Variants in PHLDB2 observed in about 807,000 individuals in gnomAD.
PHLDB2 encodes pleckstrin homology-like domain family B member 2.
PHLDB2 carries 71 observed loss-of-function variants against 123.6 expected under a neutral mutation model. That is an observed-to-expected ratio of 0.57 (90% CI 0.47 to 0.70). The LOEUF (loss-of-function observed/expected upper bound fraction) is 0.70, where lower values mean the gene tolerates loss of function less well. Ranked by LOEUF, PHLDB2 falls within the 30% of genes least tolerant of loss-of-function variation. The pLI is 0.00. For missense variants in PHLDB2, 1,446 were observed against 1,519.5 expected, an observed-to-expected ratio of 0.95 and a Z score of 0.80; for synonymous variants, 547 against 541.6, an observed-to-expected ratio of 1.01 and a Z score of -0.14.
At chr3:111,751,025 A>G (rs1182561996) in intron 1 of PHLDB2, among the ~76,000 whole-genome samples, 1 of 152,058 alleles carries the variant, frequency 6.6e-6, no homozygotes, top group Non-Finnish European at 1.5e-5. Context: ...GAGCCCCCAA[A>G]CTGTGTTTTT....
At chr3:111,861,282 G>C (rs752610195) in intron 1 of PHLDB2, among the ~76,000 whole-genome samples, 7 of 152,160 alleles carry the variant, frequency 4.6e-5, no homozygotes, top group African/African-American at 9.7e-5. Context: ...TCTATTCTTG[G>C]CTCCCCTTTC....
chr3:111,774,208 T>C (rs1484750815), intron 1 of PHLDB2, among the ~76,000 whole-genome samples: 1 of 152,182 alleles, frequency 6.6e-6, no homozygotes, highest in African/African-American at 2.4e-5. Flanking sequence ...TTGGGAGCTC[T>C]AGGTAGGGGT....
rs2060380364 is a variant in PHLDB2, at chr3:111,780,328, GAAGAAGAAGAAGAAGAAGAAGAA to G, written c.-49+47626_-49+47648del. Among the ~76,000 whole-genome samples the G allele has an allele frequency of 4.2e-3, 49 of 11,602 alleles. 2 individuals carry two copies. The highest frequency in any genetic ancestry group is 5.9e-3 in the African/African-American group (39 of 6,618). The allele number at this position is 11,602 out of a possible 152,430, so 7.6% of individuals were successfully genotyped here. Reference sequence around the variant, plus strand: ...GGAAGAGGAAGAGGAAGAGGAAGAAGAAGAAGAAGAAGAAGAAGAAGAAGAAGAAGAAGAAGAAGAAGAAGAAG... The same window carrying G: ...GGAAGAGGAAGAGGAAGAGGAAGAAGGAAGAAGAAGAAGAAGAAGAAGAAG... On this transcript the variant is annotated intron_variant, in intron 1 of 17. Coordinates refer to the PHLDB2 transcript ENST00000393923.
At chr3:111,947,619 G>T (rs941625128) in intron 9 of PHLDB2, among the ~76,000 whole-genome samples, 1 of 152,084 alleles carries the variant, frequency 6.6e-6, no homozygotes, top group Non-Finnish European at 1.5e-5. Context: ...CAAAACAGTC[G>T]ACTATTAACT....
rs2108572751 is a variant in PHLDB2 at position 111,844,774 on chromosome 3, A to G, written c.-48-1047A>G. ...ATCACTGGTTATGTGACTTTTGATA[A>G]CTCTCTAATTATTCCTCTTCAGTCT... On this transcript the variant is annotated intron_variant, in intron 1 of 17. Coordinates refer to the PHLDB2 transcript ENST00000393923. Among the ~76,000 whole-genome samples the G allele has an allele frequency of 1.3e-5, 2 of 152,266 alleles. 1 individual carries two copies. Among genetic ancestry groups the G allele is most frequent in the South Asian group, 4.2e-4 (2 of 4,818 alleles).
intron 1 of PHLDB2, among the ~76,000 whole-genome samples, chr3:111,831,013 G>GAAAGAAAGAAAGAAAGAAAAA (rs1553736466): frequency 9.8e-6 from 1 of 102,082 alleles, no homozygotes. Flanking sequence ...AAGAAAGAAA[G>GAAAGAAAGAAAGAAAGAAAAA]AAAGAAAGAA....
intron 1 of PHLDB2, among the ~76,000 whole-genome samples, chr3:111,796,475 AT>A (rs2061165642): frequency 6.6e-6 from 1 of 152,106 alleles, no homozygotes; most frequent in Non-Finnish European, 1.5e-5. Context: ...CAATCTCTGA[AT>A]CCCCATTTGT....
chr3:111,954,572 A>G (rs2070922310), intron 12 of PHLDB2, among the ~76,000 whole-genome samples: 1 of 152,188 alleles, frequency 6.6e-6, no homozygotes, highest in Non-Finnish European at 1.5e-5. Context: ...AATACATTAC[A>G]TTTATAATGG....
chr3:111,970,851 A>G (rs2072127245), intron 16 of PHLDB2, among the ~76,000 whole-genome samples: 1 of 152,228 alleles, frequency 6.6e-6, no homozygotes, highest in African/African-American at 2.4e-5. Context: ...AATAAAATAT[A>G]AATAACAGTC....
chr3:111,786,142 G>T (rs914352385), intron 1 of PHLDB2, among the ~76,000 whole-genome samples: 1 of 152,112 alleles, frequency 6.6e-6, no homozygotes, highest in Non-Finnish European at 1.5e-5. Flanking sequence ...GATATAAAAT[G>T]GCATAGTATT....
intron 12 of PHLDB2, 94 bp from the exon 13 acceptor site, chr3:111,962,014 A>C (rs1165919470): frequency 8.6e-7 from 1 of 1,162,502 alleles, no homozygotes; most frequent in Non-Finnish European, 1.2e-6. Context: ...CTTCATAGGC[A>C]GATGTTTCTG....
chr3:111,871,778 G>A (rs1239691631), intron 1 of PHLDB2, among the ~76,000 whole-genome samples: 1 of 152,204 alleles, frequency 6.6e-6, no homozygotes, highest in East Asian at 1.9e-4. Context: ...GTTTGAAGGG[G>A]ATTAGCTTCA....
At chr3:111,762,495 G>A (rs145328378) in intron 1 of PHLDB2, among the ~76,000 whole-genome samples, 26 of 152,270 alleles carry the variant, frequency 1.7e-4, no homozygotes, top group African/African-American at 5.1e-4. Flanking sequence ...CCTAGGGAGC[G>A]CTCTGAAGTT....
intron 2 of PHLDB2, chr3:111,885,789 A>G (rs2066132053): frequency 3.4e-6 from 2 of 586,230 alleles, no homozygotes; most frequent in African/African-American, 3.7e-5. Context: ...TTGCTTGTGT[A>G]TGGTTATGAG....
Position 111,865,335 on chromosome 3 carries a change from G to A in PHLDB2, c.-15+5759G>A, listed in dbSNP as rs754955921. The stretch of plus-strand genomic sequence containing the variant: ...TCTGACCAGGCCTTTTTCCCACTAT[G>A]TTATGCTAAAACAATTTACCATGCC... On this transcript the variant is annotated intron_variant, in intron 1 of 17. Coordinates refer to ENST00000431670, the MANE Select transcript of PHLDB2 (RefSeq NM_001134438.2). Among the ~76,000 whole-genome samples the A allele has an allele frequency of 5.9e-5, 9 of 152,132 alleles. No homozygotes were observed. The South Asian group carries it at 1.7e-3, about 28-fold the overall frequency.
intron 1 of PHLDB2, among the ~76,000 whole-genome samples, chr3:111,809,815 A>G (rs2061750881): frequency 6.6e-6 from 1 of 152,188 alleles, no homozygotes; most frequent in South Asian, 2.1e-4. Context: ...TGATGTAATA[A>G]AAGAGTATGC....
chr3:111,842,348 A>G (rs982596054), intron 1 of PHLDB2, among the ~76,000 whole-genome samples: 1 of 152,158 alleles, frequency 6.6e-6, no homozygotes, highest in Non-Finnish European at 1.5e-5. Context: ...TCACACAAAC[A>G]TGGCCTTTCC....
At chr3:111,941,087 A>C (rs971474809) in intron 8 of PHLDB2, among the ~76,000 whole-genome samples, 4 of 152,214 alleles carry the variant, frequency 2.6e-5, no homozygotes, top group Admixed American at 2.6e-4. Context: ...TCTTTCTAGC[A>C]AATGTCACAT....
At chr3:111,813,254 T>C (rs2061924325) in intron 1 of PHLDB2, among the ~76,000 whole-genome samples, 1 of 152,220 alleles carries the variant, frequency 6.6e-6, no homozygotes, top group Non-Finnish European at 1.5e-5. Context: ...TAACAATGTA[T>C]TGTACTTTTG....
Sources: gnomAD v4.1 joint callset for allele counts (sites outside exome capture counted in the v4.1 genomes callset) on GRCh38, gnomAD v4.1.1 for gene constraint, MANE v1.5 for transcripts, NCBI Gene and HGNC (gene_info 2026-07-23, HGNC 2026-07-21) for gene names.